TNIK: variants seen among roughly 807,000 people sequenced by gnomAD.
TNIK encodes the protein TRAF2 and NCK-interacting protein kinase.
Under a neutral mutation model 191.3 loss-of-function variants are expected in TNIK, and 49 were observed. That is an observed-to-expected ratio of 0.26 (90% CI 0.20 to 0.32). TNIK has a LOEUF of 0.32. Ranked by LOEUF, TNIK falls within the 10% of genes least tolerant of loss-of-function variation. The probability of loss-of-function intolerance (pLI) is 1.00; values close to 1 mark genes in which losing one functional copy is unlikely to be tolerated. For synonymous variants in TNIK, 594 were observed against 600.9 expected (o/e 0.99, Z 0.17); for missense variants, 1,155 against 1,702.3 (o/e 0.68, Z 5.66).
chr3:171,444,994 C>T (rs1727303294), intron 1 of TNIK, among the ~76,000 whole-genome samples: 1 of 152,044 alleles, frequency 6.6e-6, no homozygotes, highest in African/African-American at 2.4e-5. Context: ...GGATTACAGG[C>T]ATGAGCCACC....
chr3:171,360,251 T>C (rs1577629022), intron 2 of TNIK, among the ~76,000 whole-genome samples: 1 of 152,212 alleles, frequency 6.6e-6, no homozygotes, highest in East Asian at 1.9e-4. Context: ...AATGTGCATG[T>C]GTCTACATCC....
chr3:171,236,476 A>G (rs750622530), intron 2 of TNIK, among the ~76,000 whole-genome samples: 3 of 152,324 alleles, frequency 2.0e-5, no homozygotes, highest in South Asian at 2.1e-4. Flanking sequence ...CACTAGAGAC[A>G]TTAGCATTCT....
chr3:171,441,604 C>G (rs1458338951), intron 1 of TNIK, among the ~76,000 whole-genome samples: 2 of 152,150 alleles, frequency 1.3e-5, no homozygotes, highest in African/African-American at 4.8e-5. Context: ...GTGAATGATG[C>G]TCCTCATGAA....
At chr3:171,226,119 A>C (rs1047284184) in intron 3 of TNIK, among the ~76,000 whole-genome samples, 1 of 152,148 alleles carries the variant, frequency 6.6e-6, no homozygotes. Context: ...CGACCATTCC[A>C]GTATCCACTC....
At chr3:171,174,341 G>T (rs933364744) in intron 9 of TNIK, among the ~76,000 whole-genome samples, 10 of 152,104 alleles carry the variant, frequency 6.6e-5, no homozygotes, top group African/African-American at 2.2e-4. Context: ...GTCCCTCATG[G>T]TCTCACTGCC....
chr3:171,062,346 C>T lies in TNIK; in HGVS notation c.*1535G>A, dbSNP rs538402909. On this transcript the variant is annotated 3_prime_UTR_variant, in exon 33 of 33. Transcript: ENST00000436636. The stretch of plus-strand genomic sequence containing the variant: ...ATTGCCGGTTGAGCTCTCTATATGT[C>T]TCCTGGAGATAACACTGCTGTGATG... 6.6e-6 allele frequency: 1 copy of T among 152,212 alleles called. No homozygotes were observed. Among genetic ancestry groups the T allele is most frequent in the South Asian group, 2.1e-4 (1 of 4,824 alleles). 9.4% of individuals were successfully genotyped at this position (152,212 alleles called of 1,614,324 possible).
intron 3 of TNIK, among the ~76,000 whole-genome samples, chr3:171,220,818 T>G (rs1742214032): frequency 6.6e-6 from 1 of 152,220 alleles, no homozygotes; most frequent in African/African-American, 2.4e-5. Flanking sequence ...TTTTAAAAAC[T>G]ATTGCTCACC....
chr3:171,186,502 ATT>A (rs1441418099), intron 7 of TNIK, among the ~76,000 whole-genome samples: 2 of 152,160 alleles, frequency 1.3e-5, no homozygotes, highest in African/African-American at 4.8e-5. Flanking sequence ...TTCCTTATTC[ATT>A]CTTTTGTCAT....
At chr3:171,347,049 C>G in intron 2 of TNIK, 1 of 1,300,124 alleles carries the variant, frequency 7.7e-7, no homozygotes. Flanking sequence ...TGTGCAATGC[C>G]TGTGCTAGGA....
chr3:171,331,868 C>T (rs982156842), intron 2 of TNIK, among the ~76,000 whole-genome samples: 3 of 151,960 alleles, frequency 2.0e-5, no homozygotes, highest in Non-Finnish European at 2.9e-5. Flanking sequence ...AAAGCTATCT[C>T]GTGATAATAT....
intron 18 of TNIK, among the ~76,000 whole-genome samples, chr3:171,118,473 A>G (rs1476797308): frequency 6.6e-6 from 1 of 152,218 alleles, no homozygotes; most frequent in East Asian, 1.9e-4. Flanking sequence ...AAGAGCTCAC[A>G]TTGCCAAGTC....
chr3:171,291,782 C>A lies in TNIK; in HGVS notation c.124-63561G>T, dbSNP rs146396990. On this transcript the variant is annotated intron_variant, in intron 2 of 32. Transcript: ENST00000436636. The stretch of plus-strand genomic sequence containing the variant: ...CATTTGTAAATTTGTGTTTCTCATT[C>A]AATTTGGAAAAATTTGGTCATTATC... 1.8e-3 allele frequency among the ~76,000 whole-genome samples: 267 copies of A among 152,260 alleles called. 3 individuals carry two copies. The highest frequency in any genetic ancestry group is 6.1e-3 in the African/African-American group (252 of 41,560).
chr3:171,372,016 T>C (rs1716557195), intron 1 of TNIK, among the ~76,000 whole-genome samples: 1 of 151,750 alleles, frequency 6.6e-6, no homozygotes, highest in African/African-American at 2.4e-5. Flanking sequence ...CAAACAGGGA[T>C]GTGAGATGAG....
chr3:171,270,606 T>C (rs1748974169), intron 2 of TNIK, among the ~76,000 whole-genome samples: 1 of 152,218 alleles, frequency 6.6e-6, no homozygotes, highest in Non-Finnish European at 1.5e-5. Context: ...TGCCTTTACA[T>C]GTGTTAATTT....
At chr3:171,456,354 T>C (rs1175470909) in intron 1 of TNIK, among the ~76,000 whole-genome samples, 1 of 152,316 alleles carries the variant, frequency 6.6e-6, no homozygotes, top group East Asian at 1.9e-4. Flanking sequence ...AAGCCCCAGG[T>C]TTGAATGAGT....
Position 171,282,533 on chromosome 3 carries a change from G to A in TNIK, c.124-54312C>T, listed in dbSNP as rs561387974. ...ATTTTTTTGTATTTTTAGTAAAGAC[G>A]GGGTTTCGCCATGTTGGCCAGGCTG... On this transcript the variant is annotated intron_variant, in intron 2 of 32. Coordinates refer to ENST00000436636, the MANE Select transcript of TNIK (RefSeq NM_015028.4). Among the ~76,000 whole-genome samples, 37 of 151,982 alleles carry A rather than the reference G, an allele frequency of 2.4e-4. No individual in the cohort carries two copies. The East Asian group carries it at 5.8e-3, about 24-fold the overall frequency.
chr3:171,076,183 C>A (rs1308353208), intron 28 of TNIK, among the ~76,000 whole-genome samples: 3 of 151,912 alleles, frequency 2.0e-5, no homozygotes, highest in Non-Finnish European at 4.4e-5. Context: ...TCTCAGGCAC[C>A]AAACCTTCAG....
intron 15 of TNIK, among the ~76,000 whole-genome samples, chr3:171,136,881 A>G (rs1319291506): frequency 6.6e-6 from 1 of 152,214 alleles, no homozygotes; most frequent in Non-Finnish European, 1.5e-5. Context: ...ACAAAATTGA[A>G]TTACTGATCT....
At chr3:171,183,204 C>T (rs904058549) in intron 7 of TNIK, among the ~76,000 whole-genome samples, 1 of 152,154 alleles carries the variant, frequency 6.6e-6, no homozygotes, top group Non-Finnish European at 1.5e-5. Context: ...CGTGTGTCCT[C>T]CTTCCTCCTC....
Sources: gnomAD v4.1 joint callset for allele counts (sites outside exome capture counted in the v4.1 genomes callset) on GRCh38, gnomAD v4.1.1 for gene constraint, MANE v1.5 for transcripts, NCBI Gene and HGNC (gene_info 2026-07-23, HGNC 2026-07-21) for gene names.